Variants in GRM5 observed in about 807,000 individuals in gnomAD.
The protein encoded by GRM5 is metabotropic glutamate receptor 5.
GRM5 carries 19 observed loss-of-function variants against 83.1 expected under a neutral mutation model. The observed-to-expected ratio is 0.23, with a 90% confidence interval of 0.16 to 0.34. The LOEUF (loss-of-function observed/expected upper bound fraction) is 0.34. GRM5 is among the 10% of genes least tolerant of loss of function. The pLI is 1.00. For synonymous variants in GRM5, 675 were observed against 633.6 expected, an observed-to-expected ratio of 1.07 and a Z score of -0.98; for missense variants, 1,160 against 1,588.3, an observed-to-expected ratio of 0.73 and a Z score of 4.58.
chr11:88,552,029 A>G (rs2135148233), intron 8 of GRM5, among the ~76,000 whole-genome samples: 1 of 124,588 alleles, frequency 8.0e-6, no homozygotes, highest in South Asian at 2.3e-4. Flanking sequence ...TTTAAATGTC[A>G]CATCTTTTTT....
chr11:88,865,147 T>A (rs952903747), intron 2 of GRM5, among the ~76,000 whole-genome samples: 4 of 151,156 alleles, frequency 2.6e-5, no homozygotes, highest in Admixed American at 2.6e-4. Context: ...AATTTGTAGA[T>A]TCAATGCTAT....
At chr11:89,022,479 A>G (rs1941009277) in intron 2 of GRM5, among the ~76,000 whole-genome samples, 1 of 104,798 alleles carries the variant, frequency 9.5e-6, no homozygotes, top group African/African-American at 4.0e-5. Flanking sequence ...CGTCCCTACT[A>G]AAAATACAAA....
At chr11:88,517,716 C>T (rs371087835) in intron 9 of GRM5, among the ~76,000 whole-genome samples, 10 of 152,106 alleles carry the variant, frequency 6.6e-5, no homozygotes, top group East Asian at 1.9e-4. Flanking sequence ...CAAGTTTGGA[C>T]TTGATGACTA....
At chr11:88,776,142 T>C (rs1207320140) in intron 3 of GRM5, among the ~76,000 whole-genome samples, 3 of 152,198 alleles carry the variant, frequency 2.0e-5, no homozygotes, top group Admixed American at 6.5e-5. Flanking sequence ...GGTGCATATA[T>C]ATTTAGGATA....
chr11:88,786,548 T>C (rs1352980326), intron 3 of GRM5, among the ~76,000 whole-genome samples: 1 of 152,172 alleles, frequency 6.6e-6, no homozygotes, highest in African/African-American at 2.4e-5. Context: ...GCGCAATGTG[T>C]GGAACATGTT....
chr11:88,555,256 A>G lies in GRM5; in HGVS notation c.2630+11797T>C, dbSNP rs555279854. ...TTGTGATTCCTAACCCAGGAATGTC[A>G]TCATTACTTGGAAGTTCCTTAGCAA... is the stretch of plus-strand genomic sequence containing the variant. On this transcript the variant is annotated intron_variant, in intron 8 of 9. Transcript: ENST00000305447. Among the ~76,000 whole-genome samples the G allele has an allele frequency of 2.0e-5, 3 of 152,298 alleles. No homozygotes were observed. In the East Asian group the frequency reaches 5.8e-4, roughly 29 times the overall value.
At chr11:88,536,177 G>A (rs1036023761) in intron 8 of GRM5, among the ~76,000 whole-genome samples, 8 of 152,028 alleles carry the variant, frequency 5.3e-5, no homozygotes, top group African/African-American at 9.7e-5. Flanking sequence ...CTCTGAAAAC[G>A]CTTTTGTTCA....
chr11:88,737,535 T>TA (rs1941942131), intron 3 of GRM5, among the ~76,000 whole-genome samples: 1 of 152,096 alleles, frequency 6.6e-6, no homozygotes, highest in South Asian at 2.1e-4. Context: ...CCATAATGCT[T>TA]ATGAATGGAA....
intron 3 of GRM5, among the ~76,000 whole-genome samples, chr11:88,745,642 C>T (rs1942121907): frequency 6.6e-6 from 1 of 152,080 alleles, no homozygotes; most frequent in Non-Finnish European, 1.5e-5. Flanking sequence ...CTTTTCTGTA[C>T]CAGTCTTGTG....
chr11:88,968,392 G>C (rs917803259), intron 2 of GRM5, among the ~76,000 whole-genome samples: 19 of 152,068 alleles, frequency 1.2e-4, no homozygotes, highest in Admixed American at 1.1e-3. Context: ...TACTGCTAAA[G>C]GGTTCAAGGA....
Position 88,678,028 on chromosome 11 carries a change from AC to A in GRM5, c.912-24626del, listed in dbSNP as rs368011333. Among the ~76,000 whole-genome samples the A allele has an allele frequency of 8.6e-4, 129 of 150,816 alleles. No individual in the cohort carries two copies. The Middle Eastern group carries it at 0.014, about 16-fold the overall frequency. ...ATATAAAGTGGAATTAAGATTACAAACGTGATGCATTTTTATTCATTTTTAA... is the reference window on the plus strand; with the variant it reads ...ATATAAAGTGGAATTAAGATTACAAAGTGATGCATTTTTATTCATTTTTAA... On this transcript the variant is annotated intron_variant, in intron 3 of 9. Transcript: ENST00000305447.
intron 2 of GRM5, among the ~76,000 whole-genome samples, chr11:89,017,930 A>G (rs1361247657): frequency 1.3e-5 from 2 of 151,784 alleles, no homozygotes; most frequent in Admixed American, 6.6e-5. Context: ...ACTTCTTACC[A>G]CCTCTTTCTC....
intron 3 of GRM5, among the ~76,000 whole-genome samples, chr11:88,711,314 T>C (rs1332223210): frequency 1.3e-5 from 2 of 152,090 alleles, no homozygotes; most frequent in East Asian, 1.9e-4. Flanking sequence ...ACTGACTGAA[T>C]TCTACCGCAG....
chr11:88,639,672 C>T (rs2135284161), intron 4 of GRM5, among the ~76,000 whole-genome samples: 1 of 151,930 alleles, frequency 6.6e-6, no homozygotes, highest in East Asian at 1.9e-4. Flanking sequence ...ACTGCAAGCT[C>T]CACCTCCCAG....
intron 3 of GRM5, among the ~76,000 whole-genome samples, chr11:88,743,877 A>G (rs1942079219): frequency 6.6e-6 from 1 of 152,194 alleles, no homozygotes; most frequent in Admixed American, 6.6e-5. Flanking sequence ...TTGGCTATAC[A>G]TGCTAGAAGT....
intron 3 of GRM5, among the ~76,000 whole-genome samples, chr11:88,709,925 C>G (rs1565196065): frequency 6.6e-6 from 1 of 152,158 alleles, no homozygotes. Flanking sequence ...AAGCAAGTCA[C>G]AGCTCTGCTG....
intron 2 of GRM5, among the ~76,000 whole-genome samples, chr11:89,022,328 T>C (rs1941004440): frequency 6.6e-6 from 1 of 151,928 alleles, no homozygotes; most frequent in Non-Finnish European, 1.5e-5. Context: ...CACCACAAGG[T>C]AGAAGTTATG....
chr11:88,721,377 C>G (rs1941535835), intron 3 of GRM5, among the ~76,000 whole-genome samples: 1 of 152,060 alleles, frequency 6.6e-6, no homozygotes, highest in South Asian at 2.1e-4. Flanking sequence ...TAAGAATGCA[C>G]TATTTCATAT....
chr11:88,838,994 T>TA (rs1224949393), intron 3 of GRM5, among the ~76,000 whole-genome samples: 1 of 152,122 alleles, frequency 6.6e-6, no homozygotes, highest in African/African-American at 2.4e-5. Flanking sequence ...TTTTAAGCTA[T>TA]ATCTGCCCCA....
Sources: gnomAD v4.1 joint callset for allele counts (sites outside exome capture counted in the v4.1 genomes callset) on GRCh38, gnomAD v4.1.1 for gene constraint, MANE v1.5 for transcripts, NCBI Gene and HGNC (gene_info 2026-07-23, HGNC 2026-07-21) for gene names.